Variants in MIA2 observed in about 807,000 individuals in gnomAD.
MIA2 encodes melanoma inhibitory activity protein 2.
MIA2 carries 127 observed loss-of-function variants against 167.8 expected under a neutral mutation model. The ratio of observed to expected loss-of-function variants is 0.76; its 90% CI spans 0.66 to 0.88. The LOEUF (loss-of-function observed/expected upper bound fraction) is 0.88. Among genes scored for constraint, MIA2 ranks in the 40% least tolerant of loss-of-function variants. The pLI is 0.00. For missense variants in MIA2, 1,690 were observed against 1,624.7 expected (o/e 1.04, Z -0.69); for synonymous variants, 552 against 541.9 (o/e 1.02, Z -0.26).
At chr14:39,295,818 A>G (rs986010205) in intron 13 of MIA2, among the ~76,000 whole-genome samples, 1 of 152,178 alleles carries the variant, frequency 6.6e-6, no homozygotes, top group African/African-American at 2.4e-5. Context: ...TCGGCCTCCT[A>G]AAGTGTTGGG....
chr14:39,382,168 A>G (rs1434905330), intron 23 of MIA2, among the ~76,000 whole-genome samples: 1 of 152,176 alleles, frequency 6.6e-6, no homozygotes, highest in East Asian at 1.9e-4. Flanking sequence ...GAAGCGAGTA[A>G]AACTCCAGAA....
intron 6 of MIA2, among the ~76,000 whole-genome samples, chr14:39,264,320 C>T (rs1007114371): frequency 2.6e-5 from 4 of 152,124 alleles, no homozygotes; most frequent in African/African-American, 9.7e-5. Flanking sequence ...TGTATATGTA[C>T]CACATTTTCT....
intron 6 of MIA2, chr14:39,267,549 G>A (rs1437566284): frequency 6.2e-7 from 1 of 1,611,262 alleles, no homozygotes; most frequent in Non-Finnish European, 8.5e-7. Context: ...TGAGTGTTAC[G>A]TGGCCCAGGG....
At chr14:39,269,099 T>TGC in intron 6 of MIA2, 1 of 828,342 alleles carries the variant, frequency 1.2e-6, no homozygotes, top group Non-Finnish European at 1.4e-6. Flanking sequence ...TTTTTTTTTT[T>TGC]GCTAAATGCG....
At chr14:39,269,592 T>A (rs528797714) in intron 6 of MIA2, among the ~76,000 whole-genome samples, 51 of 151,906 alleles carry the variant, frequency 3.4e-4, no homozygotes, top group African/African-American at 1.2e-3. Flanking sequence ...TGATCTCAGC[T>A]CACTGCAGCT....
At chr14:39,288,218 T>G (rs2060077960) in intron 9 of MIA2, among the ~76,000 whole-genome samples, 1 of 151,796 alleles carries the variant, frequency 6.6e-6, no homozygotes, top group South Asian at 2.1e-4. Context: ...TCCCACCTAC[T>G]TGGGAGCATG....
chr14:39,294,251 A>G (rs1260554486), intron 12 of MIA2, among the ~76,000 whole-genome samples, 180 bp downstream of exon 12: 1 of 151,800 alleles, frequency 6.6e-6, no homozygotes, highest in Non-Finnish European at 1.5e-5. Flanking sequence ...AGGCTGGAGT[A>G]TAGCAGCACG....
At chr14:39,293,104 A>C (rs1358712143) in intron 10 of MIA2, among the ~76,000 whole-genome samples, 167 bp from the exon 11 acceptor site, 1 of 152,220 alleles carries the variant, frequency 6.6e-6, no homozygotes, top group Admixed American at 6.5e-5. Context: ...TCTTTACAGA[A>C]CTTTGCTGAC....
chr14:39,277,714 A>T (rs867176021), intron 7 of MIA2, among the ~76,000 whole-genome samples: 1 of 3,620 alleles, frequency 2.8e-4, no homozygotes, highest in African/African-American at 1.7e-3. Context: ...ATATATATAT[A>T]TGTGTGTATA....
At chr14:39,330,133 CG>C (rs1317593507) in intron 25 of MIA2, among the ~76,000 whole-genome samples, 34 of 152,138 alleles carry the variant, frequency 2.2e-4, no homozygotes, top group African/African-American at 8.0e-4. Flanking sequence ...TTAATTACTA[CG>C]TCAATTTCAG....
At chr14:39,374,826 G>A (rs8015094) in intron 23 of MIA2, among the ~76,000 whole-genome samples, 98,730 of 152,162 alleles carry the variant, frequency 0.65, 33,369 homozygotes, top group African/African-American at 0.85. Context: ...CTCATTTTGC[G>A]TGTAATACTT....
chr14:39,276,964 C>G lies in MIA2; in HGVS notation c.1918C>G (p.Pro640Ala). 1 of 1,613,852 alleles carries G rather than the reference C, an allele frequency of 6.2e-7. No individual in the cohort carries two copies. Among genetic ancestry groups the G allele is most frequent in the South Asian group, 1.1e-5 (1 of 91,046 alleles). Reference sequence around the variant, plus strand: ...GGCAGCACTGCCTGAAGGTATGAGACCAGATTCTAATCTTTATGGTTTTCC... The same window carrying G: ...GGCAGCACTGCCTGAAGGTATGAGAGCAGATTCTAATCTTTATGGTTTTCC... ...VVAALPEGMR[P>A]DSNLYGFPWE... is the part of the protein sequence containing the mutation. The change falls in exon 7 of 29, where the codon CCA becomes GCA. Residue 640 changes from proline (P) to alanine (A), a missense_variant. Coordinates refer to ENST00000640607, the MANE Select transcript of MIA2 (RefSeq NM_001329214.4).
intron 18 of MIA2, among the ~76,000 whole-genome samples, chr14:39,312,891 G>A (rs2064585350): frequency 6.7e-6 from 1 of 149,990 alleles, no homozygotes. Context: ...TTATAATTGT[G>A]TGTGTGTGTG....
At chr14:39,250,323 C>T (rs1801920080) in intron 4 of MIA2, among the ~76,000 whole-genome samples, 1 of 152,136 alleles carries the variant, frequency 6.6e-6, no homozygotes, top group South Asian at 2.1e-4. Context: ...GTCCCAGCTA[C>T]TTGGGAGGCT....
chr14:39,380,049 T>C (rs951574920), intron 23 of MIA2, among the ~76,000 whole-genome samples: 7 of 152,202 alleles, frequency 4.6e-5, no homozygotes, highest in Non-Finnish European at 8.8e-5. Flanking sequence ...GAATATGTCC[T>C]GAGTTGTAAG....
intron 10 of MIA2, among the ~76,000 whole-genome samples, chr14:39,292,921 G>A (rs1369412879): frequency 2.6e-5 from 4 of 151,998 alleles, no homozygotes; most frequent in Non-Finnish European, 5.9e-5. Flanking sequence ...TTTAAGCAGA[G>A]GTTGGCAAAC....
intron 25 of MIA2, among the ~76,000 whole-genome samples, chr14:39,331,375 ATACAG>A (rs767961604): frequency 3.9e-5 from 6 of 152,110 alleles, no homozygotes; most frequent in Admixed American, 6.5e-5. Context: ...GGTCTCCTGA[ATACAG>A]TACACCGATG....
chr14:39,334,023 A>G (rs1028951723), intron 25 of MIA2, among the ~76,000 whole-genome samples: 2 of 152,242 alleles, frequency 1.3e-5, no homozygotes, highest in Non-Finnish European at 2.9e-5. Context: ...GTATTGTTCC[A>G]AAATTTATGA....
chr14:39,234,256 C>G (rs2053632695), intron 1 of MIA2, 27 bp downstream of exon 1: 1 of 1,435,102 alleles, frequency 7.0e-7, no homozygotes, highest in African/African-American at 1.4e-5. Context: ...CGCTTCTTCT[C>G]CTCCTAAATT....
Sources: gnomAD v4.1 joint callset for allele counts (sites outside exome capture counted in the v4.1 genomes callset) on GRCh38, gnomAD v4.1.1 for gene constraint, MANE v1.5 for transcripts, NCBI Gene and HGNC (gene_info 2026-07-23, HGNC 2026-07-21) for gene names.